The following CSMD2 variants were observed in gnomAD, a reference collection of about 807,000 sequenced individuals.
CSMD2 encodes the protein CUB and sushi domain-containing protein 2.
Under a neutral mutation model 398.5 loss-of-function variants are expected in CSMD2, and 130 were observed. The observed-to-expected ratio is 0.33, with a 90% CI of 0.28 to 0.38. The LOEUF (loss-of-function observed/expected upper bound fraction) is 0.38, where lower values mean the gene tolerates loss of function less well. Ranked by LOEUF, CSMD2 falls within the 10% of genes least tolerant of loss-of-function variation. CSMD2 has a pLI of 1.00. For missense variants in CSMD2, 3,829 were observed against 4,764.9 expected, an observed-to-expected ratio of 0.80 and a Z score of 5.78; for synonymous variants, 1,828 against 1,908.5, an observed-to-expected ratio of 0.96 and a Z score of 1.10.
chr1:33,968,015 G>T (rs913632689), intron 3 of CSMD2, among the ~76,000 whole-genome samples: 1 of 152,148 alleles, frequency 6.6e-6, no homozygotes, highest in South Asian at 2.1e-4. Flanking sequence ...CCATCTCCGC[G>T]ACTATTTTCA....
At chr1:33,957,707 GGGA>G (rs1161756840) in intron 3 of CSMD2, among the ~76,000 whole-genome samples, 1 of 152,170 alleles carries the variant, frequency 6.6e-6, no homozygotes, top group South Asian at 2.1e-4. Context: ...ATAAGCCAGT[GGGA>G]GGAGACAGAA....
chr1:33,586,696 A>C, intron 45 of CSMD2, 79 bp from the exon 46 acceptor site: 1 of 895,054 alleles, frequency 1.1e-6, no homozygotes, highest in Non-Finnish European at 1.9e-6. Context: ...CAGGTGAGAT[A>C]ATCAGAGGCG....
chr1:33,543,456 T>A (rs545031906), intron 57 of CSMD2, among the ~76,000 whole-genome samples: 2 of 152,378 alleles, frequency 1.3e-5, no homozygotes, highest in East Asian at 3.9e-4. Context: ...CTTCCTGTAA[T>A]CAAGTTCCGC....
intron 10 of CSMD2, among the ~76,000 whole-genome samples, chr1:33,800,876 G>A (rs1655520063): frequency 6.6e-6 from 1 of 152,144 alleles, no homozygotes; most frequent in Admixed American, 6.5e-5. Context: ...TGTGAGGAGG[G>A]GCTGTGGAGG....
At chr1:34,134,300 T>TG (rs1638486425) in intron 1 of CSMD2, among the ~76,000 whole-genome samples, 2 of 152,108 alleles carry the variant, frequency 1.3e-5, no homozygotes, top group Admixed American at 6.6e-5. Flanking sequence ...AGCCATGAAA[T>TG]GGGAGTTTCT....
chr1:33,624,701 A>G lies in CSMD2; in HGVS notation c.5501-58T>C, dbSNP rs778648584. On this transcript the variant is annotated intron_variant, in intron 34 of 70. Coordinates refer to ENST00000373381, the MANE Select transcript of CSMD2 (RefSeq NM_001281956.2). The surrounding 1 kb of genome is among the most constrained non-coding windows in gnomAD (Gnocchi z 4.7). ...GTGGCCTCCCGTGGGAGCCTTCCCA[A>G]GCTGACTCCTCCCTCATGGCCCCCA... 73 of 1,578,140 alleles carry G rather than the reference A, an allele frequency of 4.6e-5. No homozygotes were observed. In the Admixed American group the frequency reaches 7.6e-4, roughly 16 times the overall value.
chr1:33,542,817 G>T lies in CSMD2; in HGVS notation c.9180C>A (p.Ile3060=), dbSNP rs138523089. ...FSDGLVFSSS[I]VYECREGYYA... is the part of the protein sequence containing the mutation. Reference sequence around the variant, plus strand: ...AGTATCCTTCCCGGCACTCATAGACGATAGAGCTGGAGAAAACCAGGCCAT... The same window carrying T: ...AGTATCCTTCCCGGCACTCATAGACTATAGAGCTGGAGAAAACCAGGCCAT... Residue 3060 remains isoleucine (I), a synonymous_variant, in exon 58 of 71, where the codon ATC becomes ATA. Transcript: ENST00000373381. The T allele has an allele frequency of 6.2e-7, 1 of 1,614,156 alleles. No individual in the cohort carries two copies.
intron 32 of CSMD2, among the ~76,000 whole-genome samples, chr1:33,629,769 GTCTC>G (rs1300412120): frequency 6.0e-5 from 9 of 151,212 alleles, no homozygotes; most frequent in Non-Finnish European, 1.0e-4. Context: ...TTGAGACGGA[GTCTC>G]TCTCTGTCGC....
chr1:33,641,102 G>C (rs1643083309), intron 29 of CSMD2, among the ~76,000 whole-genome samples: 1 of 152,156 alleles, frequency 6.6e-6, no homozygotes, highest in African/African-American at 2.4e-5. Flanking sequence ...TGTCTAAATG[G>C]ATCCTGCTCA....
chr1:33,708,061 C>T (rs1002725517), intron 22 of CSMD2, among the ~76,000 whole-genome samples: 6 of 152,200 alleles, frequency 3.9e-5, no homozygotes, highest in South Asian at 2.1e-4. Flanking sequence ...AAATTCTCCA[C>T]GCTCAACTCT....
intron 18 of CSMD2, 47 bp from the exon 19 acceptor site, chr1:33,724,360 GA>G (rs756154737): frequency 6.6e-7 from 1 of 1,524,874 alleles, no homozygotes; most frequent in Non-Finnish European, 9.1e-7. Flanking sequence ...GGGCCTCAGG[GA>G]GCACCCCCGT....
chr1:33,537,873 A>G lies in CSMD2; in HGVS notation c.9632-264T>C, dbSNP rs559310562. On this transcript the variant is annotated intron_variant, in intron 60 of 70. Transcript: ENST00000373381. The surrounding 1 kb of genome is among the most constrained non-coding windows in gnomAD (Gnocchi z 4.6). Reference sequence around the variant, plus strand: ...TTACAGGAAGTTTAGAACATGAAAGAGAAATAAACGAAAATCCCACTATTC... The same window carrying G: ...TTACAGGAAGTTTAGAACATGAAAGGGAAATAAACGAAAATCCCACTATTC... Among the ~76,000 whole-genome samples the G allele has an allele frequency of 1.3e-5, 2 of 152,374 alleles. No individual in the cohort carries two copies. The highest frequency in any genetic ancestry group is 6.5e-5 in the Admixed American group (1 of 15,314).
rs538708385 is a variant in CSMD2, at chr1:33,615,883, T to G, written c.6016+1023A>C. ...TACCTCCCTGCCCCAAGGTCAGCCT[T>G]GAGGGGCACCTCACAATCGACTGGG... is the stretch of plus-strand genomic sequence containing the variant. On this transcript the variant is annotated intron_variant, in intron 39 of 70. Transcript: ENST00000373381. 1.6e-3 allele frequency among the ~76,000 whole-genome samples: 250 copies of G among 152,352 alleles called. 1 individual carries two copies. Among genetic ancestry groups the G allele is most frequent in the African/African-American group, 5.7e-3 (237 of 41,600 alleles).
rs528279377 is a variant in CSMD2, at chr1:33,635,940, C to T, written c.4969+420G>A. On this transcript the variant is annotated intron_variant, in intron 30 of 70. Coordinates refer to ENST00000373381, the MANE Select transcript of CSMD2 (RefSeq NM_001281956.2). The surrounding 1 kb of genome is among the most constrained non-coding windows in gnomAD (Gnocchi z 5.0). ...CATTCCTATCTCTCTTGTCAGGACC[C>T]CCATGGCTCACCCAGACCCACCTGG... Among the ~76,000 whole-genome samples, 51 of 152,240 alleles carry T rather than the reference C, an allele frequency of 3.3e-4. No individual in the cohort carries two copies. The highest frequency in any genetic ancestry group is 1.2e-3 in the African/African-American group (50 of 41,546).
intron 6 of CSMD2, among the ~76,000 whole-genome samples, chr1:33,832,808 A>C (rs1659755904): frequency 1.3e-5 from 2 of 152,066 alleles, no homozygotes; most frequent in African/African-American, 4.8e-5. Flanking sequence ...ATAAAAAATG[A>C]TAAAGGGGAT....
At chr1:33,846,517 C>T (rs1661370909) in intron 6 of CSMD2, among the ~76,000 whole-genome samples, 1 of 152,134 alleles carries the variant, frequency 6.6e-6, no homozygotes, top group African/African-American at 2.4e-5. Flanking sequence ...CTTCCTTGTC[C>T]ATAAAGTGAG....
chr1:34,014,813 C>A (rs917212340), intron 3 of CSMD2, among the ~76,000 whole-genome samples: 5 of 152,182 alleles, frequency 3.3e-5, no homozygotes, highest in African/African-American at 7.2e-5. Context: ...GTTTGCATAA[C>A]CTTTATAGTG....
At chr1:34,074,964 G>T (rs566098886) in intron 2 of CSMD2, among the ~76,000 whole-genome samples, 19 of 152,308 alleles carry the variant, frequency 1.2e-4, no homozygotes, top group African/African-American at 4.6e-4. Flanking sequence ...GCGAGGTCAG[G>T]TTCCCCAGTC....
At chr1:34,032,489 TG>T in intron 3 of CSMD2, 104 bp downstream of exon 3, 2 of 684,944 alleles carry the variant, frequency 2.9e-6, no homozygotes, top group Non-Finnish European at 2.3e-6. Context: ...GCGCAAGCTC[TG>T]GGTCTGAAGA....
Sources: allele counts gnomAD v4.1 joint callset (sites outside exome capture counted in the v4.1 genomes callset), GRCh38; gene constraint gnomAD v4.1.1; non-coding constraint Gnocchi (gnomAD v3.1); transcripts MANE v1.5; gene names NCBI Gene and HGNC (gene_info 2026-07-23, HGNC 2026-07-21).